Variants in INTU observed in about 807,000 individuals in gnomAD.
INTU encodes protein inturned.
A neutral mutation model predicts 100.5 loss-of-function variants in INTU; 68 were observed. The ratio of observed to expected loss-of-function variants is 0.68; its 90% CI spans 0.56 to 0.83. INTU has a LOEUF of 0.83. Among genes scored for constraint, INTU ranks in the 40% least tolerant of loss-of-function variants. INTU has a pLI of 0.00. For synonymous variants in INTU, 357 were observed against 395.7 expected, an observed-to-expected ratio of 0.90 and a Z score of 1.16; for missense variants, 1,071 against 1,114.7, an observed-to-expected ratio of 0.96 and a Z score of 0.56.
At chr4:127,714,115 TTGAAAGTAAAGTGTTAGAAAAG>T in intron 15 of INTU, 22 bp downstream of exon 15, 1 of 1,591,518 alleles carries the variant, frequency 6.3e-7, no homozygotes, top group Non-Finnish European at 8.5e-7. Flanking sequence ...AAAAAAGTAT[TTGAAAGTAAAGTGTTAGAAAAG>T]TGAAAGAAAA....
intron 2 of INTU, among the ~76,000 whole-genome samples, chr4:127,653,067 A>G (rs1223937797): frequency 6.6e-6 from 1 of 151,536 alleles, no homozygotes; most frequent in Admixed American, 6.6e-5. Context: ...CGGTGGTGAT[A>G]TCTCCTTTAT....
intron 5 of INTU, among the ~76,000 whole-genome samples, chr4:127,672,467 C>CTTTTTTTTTTTTTTTT (rs55709540): frequency 8.7e-6 from 1 of 115,240 alleles, no homozygotes; most frequent in Non-Finnish European, 1.9e-5. Flanking sequence ...TGCGGTGTTG[C>CTTTTTTTTTTTTTTTT]TTTTTTTTTT....
At chr4:127,656,508 T>C in intron 2 of INTU, 128 bp from the exon 3 acceptor site, 1 of 625,834 alleles carries the variant, frequency 1.6e-6, no homozygotes, top group Non-Finnish European at 2.9e-6. Context: ...GACAAGTTCC[T>C]GCTTGTCTGC....
chr4:127,663,713 A>C, intron 4 of INTU, 129 bp downstream of exon 4: 2 of 657,556 alleles, frequency 3.0e-6, no homozygotes, highest in South Asian at 4.2e-5. Flanking sequence ...AAAATGAATT[A>C]ACTGTTTTTC....
At chr4:127,645,182 T>C (rs964674456) in intron 2 of INTU, among the ~76,000 whole-genome samples, 1 of 152,196 alleles carries the variant, frequency 6.6e-6, no homozygotes, top group African/African-American at 2.4e-5. Context: ...ACTCCTCCCA[T>C]GGAGAGTTGT....
intron 9 of INTU, among the ~76,000 whole-genome samples, chr4:127,700,994 A>G (rs1010599682): frequency 1.3e-5 from 2 of 152,150 alleles, no homozygotes; most frequent in African/African-American, 2.4e-5. Flanking sequence ...GAATATCACC[A>G]TTTTGCAGTC....
chr4:127,648,860 T>C (rs1279479706), intron 2 of INTU, among the ~76,000 whole-genome samples: 1 of 152,146 alleles, frequency 6.6e-6, no homozygotes, highest in Non-Finnish European at 1.5e-5. Flanking sequence ...GTTGAAAGTT[T>C]ATTTTGGTCT....
At chr4:127,691,941 G>A (rs1439060180) in intron 8 of INTU, among the ~76,000 whole-genome samples, 1 of 79,248 alleles carries the variant, frequency 1.3e-5, no homozygotes, top group East Asian at 2.7e-4. Flanking sequence ...TTTTATGGCG[G>A]AGTATAGTGT....
chr4:127,654,931 C>A (rs1728107896), intron 2 of INTU, among the ~76,000 whole-genome samples: 1 of 145,710 alleles, frequency 6.9e-6, no homozygotes, highest in Admixed American at 6.9e-5. Context: ...TCTTTTTATT[C>A]TTTTTTCTCT....
rs1006436434 is a variant in INTU, at chr4:127,723,844, C to G, written c.*7408C>G. Reference sequence around the variant, plus strand: ...AATTAGCCGGGTGTGGTAGCACTCTCTTTTAACAGTCCCAGATACCTGGGA... The same window carrying G: ...AATTAGCCGGGTGTGGTAGCACTCTGTTTTAACAGTCCCAGATACCTGGGA... On this transcript the variant is annotated 3_prime_UTR_variant, in exon 16 of 16. Transcript: ENST00000335251. The G allele has an allele frequency of 6.6e-6, 1 of 151,778 alleles. No homozygotes were observed. Among genetic ancestry groups the G allele is most frequent in the East Asian group, 1.9e-4 (1 of 5,138 alleles). The allele number at this position is 151,778 out of a possible 1,614,324, so 9.4% of individuals were successfully genotyped here.
intron 11 of INTU, 97 bp from the exon 12 acceptor site, chr4:127,706,390 C>T: frequency 1.0e-6 from 1 of 975,012 alleles, no homozygotes; most frequent in Non-Finnish European, 1.5e-6. Flanking sequence ...ATGCCATAGG[C>T]CTCTATGTCT....
At position 127,725,132 on chromosome 4, in the gene INTU, TAAAAAAAAAAAA is replaced by T. The variant is rs763050553; in HGVS notation, c.*8710_*8721del. 1.3e-5 allele frequency: 1 copy of T among 79,336 alleles called. No individual in the cohort carries two copies. Among genetic ancestry groups the T allele is most frequent in the African/African-American group, 4.3e-5 (1 of 23,498 alleles). 4.9% of individuals were successfully genotyped at this position (79,336 alleles called of 1,614,324 possible). A position where few individuals can be genotyped will look rare whatever the true frequency, so the allele number is the denominator to read the frequency against. On this transcript the variant is annotated 3_prime_UTR_variant, in exon 16 of 16. Coordinates refer to ENST00000335251, the MANE Select transcript of INTU (RefSeq NM_015693.4). ...GAAACCCTGTCTCTACTAAAAATACTAAAAAAAAAAAAAAAAAAAAAAAAATTAGCCGGGCAT... is the reference window on the plus strand; with the variant it reads ...GAAACCCTGTCTCTACTAAAAATACTAAAAAAAAAAAAATTAGCCGGGCAT...
intron 1 of INTU, among the ~76,000 whole-genome samples, chr4:127,638,181 G>A (rs546782538): frequency 2.6e-4 from 39 of 152,258 alleles, no homozygotes; most frequent in Middle Eastern, 3.4e-3. Flanking sequence ...AATAAGTGCC[G>A]GATAGAATCC....
rs1410095922 is a variant in INTU, at chr4:127,633,076, C to T, written c.42C>T (p.Asp14=). The T allele has an allele frequency of 3.7e-6, 6 of 1,613,824 alleles. No homozygotes were observed. Among genetic ancestry groups the T allele is most frequent in the South Asian group, 1.1e-5 (1 of 91,066 alleles). Residue 14 remains aspartate, a synonymous_variant, in exon 1 of 16, where the codon GAC becomes GAT. Coordinates refer to ENST00000335251, the MANE Select transcript of INTU (RefSeq NM_015693.4). ...CGTGCGATTCGCGTCCGAGCTCAGA[C>T]GAGCTCCCTGGAGACCCCTCTTCAC... is the stretch of plus-strand genomic sequence containing the variant. ...VASCDSRPSS[D]ELPGDPSSQE...
At chr4:127,709,711 T>TCA (rs3066389) in intron 13 of INTU, among the ~76,000 whole-genome samples, 15,616 of 143,312 alleles carry the variant, frequency 0.11, 908 homozygotes, top group Non-Finnish European at 0.14. Flanking sequence ...CTAATAGAAT[T>TCA]CACACACACA....
At chr4:127,670,589 A>T (rs1728882173) in intron 5 of INTU, among the ~76,000 whole-genome samples, 2 of 151,926 alleles carry the variant, frequency 1.3e-5, no homozygotes, top group Admixed American at 6.6e-5. Flanking sequence ...CAATTCACCC[A>T]TTTGAAGTGC....
intron 2 of INTU, among the ~76,000 whole-genome samples, chr4:127,644,966 C>A (rs897264577): frequency 2.0e-5 from 3 of 152,118 alleles, no homozygotes; most frequent in African/African-American, 7.2e-5. Context: ...CTTTACTGAT[C>A]CAATTATTTC....
intron 8 of INTU, among the ~76,000 whole-genome samples, chr4:127,688,124 A>G (rs1206539862): frequency 6.6e-6 from 1 of 152,042 alleles, no homozygotes; most frequent in Non-Finnish European, 1.5e-5. Flanking sequence ...AGAAATCGTA[A>G]TTAAATGGTG....
At chr4:127,667,850 A>G (rs1056636926) in intron 4 of INTU, among the ~76,000 whole-genome samples, 1 of 152,088 alleles carries the variant, frequency 6.6e-6, no homozygotes, top group Admixed American at 6.6e-5. Context: ...TGTGCTTACT[A>G]AGTATAAAAA....
Sources: allele counts gnomAD v4.1 joint callset (sites outside exome capture counted in the v4.1 genomes callset), GRCh38; gene constraint gnomAD v4.1.1; transcripts MANE v1.5; gene names NCBI Gene and HGNC (gene_info 2026-07-23, HGNC 2026-07-21).